Variants in HSD17B2 observed in about 807,000 individuals in gnomAD.
HSD17B2 encodes hydroxysteroid 17-beta dehydrogenase 2, also known as 17-beta-hydroxysteroid dehydrogenase type 2.
Under a neutral mutation model 26.9 loss-of-function variants are expected in HSD17B2, and 32 were observed. That is an observed-to-expected ratio of 1.19 (90% confidence interval 0.90 to 1.60). HSD17B2 has a LOEUF of 1.60. Ranked by LOEUF, HSD17B2 falls within the 40% of genes most tolerant of loss-of-function variation. The probability of loss-of-function intolerance (pLI) is 0.00; values close to 1 mark genes in which losing one functional copy is unlikely to be tolerated. For missense variants in HSD17B2, 613 were observed against 468.6 expected (o/e 1.31, Z -2.85); for synonymous variants, 246 against 186.7 (o/e 1.32, Z -2.59).
chr16:82,086,065 G>A (rs1559427), intron 3 of HSD17B2, among the ~76,000 whole-genome samples: 83,281 of 151,906 alleles, frequency 0.55, 23,097 homozygotes, highest in Middle Eastern at 0.68. Context: ...AAAACATTTG[G>A]CAGTTCCCCA....
chr16:82,073,001 C>A (rs1239832415), intron 3 of HSD17B2, among the ~76,000 whole-genome samples: 1 of 152,128 alleles, frequency 6.6e-6, no homozygotes, highest in Non-Finnish European at 1.5e-5. Context: ...GTTAAGACTG[C>A]AGTAAGCTGT....
At chr16:82,061,428 G>C (rs552753151) in intron 1 of HSD17B2, among the ~76,000 whole-genome samples, 1 of 152,304 alleles carries the variant, frequency 6.6e-6, no homozygotes, top group South Asian at 2.1e-4. Flanking sequence ...GGGGCACAGA[G>C]AGGTTAAGTG....
intron 1 of HSD17B2, among the ~76,000 whole-genome samples, chr16:82,067,040 G>A (rs572089341): frequency 1.3e-5 from 2 of 152,316 alleles, no homozygotes; most frequent in African/African-American, 2.4e-5. Flanking sequence ...TCCTGCACAT[G>A]TTTATCAATA....
Position 82,068,345 on chromosome 16 carries a change from T to C in HSD17B2, c.441T>C (p.Asp147=), listed in dbSNP as rs778111926. 6.2e-7 allele frequency: 1 copy of C among 1,613,712 alleles called. No homozygotes were observed. Among genetic ancestry groups the C allele is most frequent in the Middle Eastern group, 1.7e-4 (1 of 5,836 alleles). The change falls in exon 2 of 5, where the codon GAT becomes GAC. Residue 147 remains aspartate (D), a synonymous_variant. Coordinates refer to ENST00000199936, the MANE Select transcript of HSD17B2 (RefSeq NM_002153.3). ...MDITKPVQIK[D]AYSKVAAMLQ... ...TCACGAAGCCAGTGCAGATAAAAGA[T>C]GCTTACAGCAAGGTTGCAGCAATGC...
chr16:82,087,571 C>G (rs1247489745), intron 3 of HSD17B2, among the ~76,000 whole-genome samples: 1 of 152,136 alleles, frequency 6.6e-6, no homozygotes, highest in African/African-American at 2.4e-5. Context: ...ACAAATGAGT[C>G]TTAAATGTTT....
chr16:82,041,752 A>C (rs1344175319), intron 1 of HSD17B2, among the ~76,000 whole-genome samples: 3 of 151,868 alleles, frequency 2.0e-5, no homozygotes, highest in Non-Finnish European at 4.4e-5. Context: ...GTAATCTCTG[A>C]CTCTGTCTTT....
At chr16:82,053,635 T>C (rs4628962) in intron 1 of HSD17B2, among the ~76,000 whole-genome samples, 10,685 of 152,170 alleles carry the variant, frequency 0.07, 1,071 homozygotes, top group African/African-American at 0.22. Context: ...CTGTAGCACC[T>C]AGCCCAGCAT....
At chr16:82,055,570 A>C (rs2143948605) in intron 1 of HSD17B2, among the ~76,000 whole-genome samples, 1 of 152,334 alleles carries the variant, frequency 6.6e-6, no homozygotes. Flanking sequence ...ATGATTAAGA[A>C]ATCAGCCCAA....
At chr16:82,053,496 C>G (rs757736132) in intron 1 of HSD17B2, among the ~76,000 whole-genome samples, 1 of 151,744 alleles carries the variant, frequency 6.6e-6, no homozygotes. Context: ...ATAAAAAATG[C>G]CAACATAACC....
chr16:82,088,258 C>A (rs1008790207), intron 3 of HSD17B2, among the ~76,000 whole-genome samples: 1 of 152,104 alleles, frequency 6.6e-6, no homozygotes, highest in Non-Finnish European at 1.5e-5. Context: ...ACATATGGAG[C>A]CTTTTGGGCT....
intron 3 of HSD17B2, among the ~76,000 whole-genome samples, chr16:82,075,686 T>C (rs11863907): frequency 0.13 from 19,201 of 152,070 alleles, 4,030 homozygotes; most frequent in African/African-American, 0.43. Flanking sequence ...ATAACCTGAA[T>C]GGATCAATAA....
chr16:82,059,147 C>T (rs1026031037), intron 1 of HSD17B2, among the ~76,000 whole-genome samples: 1 of 152,176 alleles, frequency 6.6e-6, no homozygotes, highest in Non-Finnish European at 1.5e-5. Context: ...TAAACTATGA[C>T]ATATTCCTAG....
intron 3 of HSD17B2, chr16:82,090,214 T>C (rs1041926362): frequency 1.9e-5 from 19 of 981,892 alleles, no homozygotes; most frequent in Admixed American, 6.2e-5. Context: ...AAAAGATATG[T>C]TTACCAGGAA....
At chr16:82,077,826 C>A (rs1042467726) in intron 3 of HSD17B2, among the ~76,000 whole-genome samples, 1 of 151,914 alleles carries the variant, frequency 6.6e-6, no homozygotes, top group Admixed American at 6.6e-5. Context: ...AAAGAAAAAA[C>A]AAACTGGATA....
intron 4 of HSD17B2, chr16:82,097,841 G>C (rs1019944351): frequency 6.2e-6 from 2 of 320,616 alleles, no homozygotes; most frequent in Non-Finnish European, 1.1e-5. Context: ...GGGAGGCTGA[G>C]GCAAGAGAAT....
intron 1 of HSD17B2, among the ~76,000 whole-genome samples, chr16:82,049,469 G>C (rs1914039405): frequency 6.6e-6 from 1 of 152,226 alleles, no homozygotes; most frequent in African/African-American, 2.4e-5. Context: ...TAATAATAAA[G>C]GGAATGGAGA....
At chr16:82,079,181 A>C (rs759459729) in intron 3 of HSD17B2, among the ~76,000 whole-genome samples, 6 of 152,188 alleles carry the variant, frequency 3.9e-5, no homozygotes, top group Non-Finnish European at 7.3e-5. Flanking sequence ...AATATTAAAC[A>C]TTAAAAAAAA....
intron 1 of HSD17B2, among the ~76,000 whole-genome samples, chr16:82,046,649 G>A (rs1913939119): frequency 6.6e-6 from 1 of 151,768 alleles, no homozygotes; most frequent in Admixed American, 6.6e-5. Context: ...GCTTGAACCT[G>A]GGAGTCAGAT....
At chr16:82,085,728 C>A (rs907475949) in intron 3 of HSD17B2, among the ~76,000 whole-genome samples, 2 of 152,058 alleles carry the variant, frequency 1.3e-5, no homozygotes, top group African/African-American at 4.8e-5. Flanking sequence ...CTGGGTTGGT[C>A]TGGGTGGAGC....
Sources: gnomAD v4.1 joint callset for allele counts (sites outside exome capture counted in the v4.1 genomes callset) on GRCh38, gnomAD v4.1.1 for gene constraint, MANE v1.5 for transcripts, NCBI Gene and HGNC (gene_info 2026-07-23, HGNC 2026-07-21) for gene names.